Variants in EML1 observed in about 807,000 individuals in gnomAD.
EML1 encodes the protein echinoderm microtubule-associated protein-like 1.
A neutral mutation model predicts 110.4 loss-of-function variants in EML1; 27 were observed. That is an observed-to-expected ratio of 0.24 (90% confidence interval 0.18 to 0.34). The LOEUF (loss-of-function observed/expected upper bound fraction) is 0.34. EML1 is among the 10% of genes least tolerant of loss of function. The pLI is 1.00. For synonymous variants in EML1, 344 were observed against 385.8 expected, an observed-to-expected ratio of 0.89 and a Z score of 1.27; for missense variants, 741 against 1,030.9, an observed-to-expected ratio of 0.72 and a Z score of 3.85.
At chr14:99,841,083 G>A (rs1196993575) in intron 1 of EML1, among the ~76,000 whole-genome samples, 1 of 152,158 alleles carries the variant, frequency 6.6e-6, no homozygotes, top group Non-Finnish European at 1.5e-5. Context: ...GGAGCTGGAG[G>A]CTATGAGAGG....
chr14:99,761,797 C>T (rs954204510), intron 1 of EML1, among the ~76,000 whole-genome samples: 5 of 151,874 alleles, frequency 3.3e-5, no homozygotes, highest in South Asian at 2.1e-4. Context: ...TGGTGGCAGG[C>T]GCCTGTAATC....
upstream of EML1, among the ~76,000 whole-genome samples, chr14:99,768,859 A>G (rs2057393885): frequency 6.6e-6 from 1 of 151,946 alleles, no homozygotes; most frequent in South Asian, 2.1e-4. Flanking sequence ...CTGGGATTAC[A>G]GGCACCCGCC....
intron 3 of EML1, among the ~76,000 whole-genome samples, chr14:99,877,152 G>A (rs904170328): frequency 2.6e-5 from 4 of 152,102 alleles, no homozygotes. Flanking sequence ...TTCTGATGAG[G>A]GCTGTCTTCC....
At chr14:99,764,890 A>T (rs1022147170) in intron 1 of EML1, among the ~76,000 whole-genome samples, 11 of 152,152 alleles carry the variant, frequency 7.2e-5, no homozygotes, top group African/African-American at 2.4e-4. Flanking sequence ...ATAGCAAAAT[A>T]TATAACAAAA....
chr14:99,906,657 A>T (rs1447714930), intron 9 of EML1, among the ~76,000 whole-genome samples: 2 of 152,124 alleles, frequency 1.3e-5, no homozygotes, highest in African/African-American at 4.8e-5. Context: ...ATGCCTAACC[A>T]TCTGGGAATG....
chr14:99,779,416 C>G (rs1011763748), intron 1 of EML1, among the ~76,000 whole-genome samples: 4 of 152,198 alleles, frequency 2.6e-5, no homozygotes, highest in African/African-American at 9.7e-5. Flanking sequence ...TTATTTCCTT[C>G]TGCTGTCTGT....
intron 1 of EML1, among the ~76,000 whole-genome samples, chr14:99,764,960 C>T (rs561463733): frequency 2.2e-4 from 33 of 152,074 alleles, no homozygotes; most frequent in South Asian, 2.1e-3. Flanking sequence ...TTTTTAGAGA[C>T]AGGGTCTTAC....
upstream of EML1, among the ~76,000 whole-genome samples, chr14:99,771,435 C>A (rs1394286127): frequency 6.6e-6 from 1 of 152,228 alleles, no homozygotes; most frequent in Non-Finnish European, 1.5e-5. Context: ...AGTAACAGTT[C>A]ATCGCGTGGA....
upstream of EML1, among the ~76,000 whole-genome samples, chr14:99,770,516 C>T (rs1341947637): frequency 1.3e-5 from 2 of 152,018 alleles, no homozygotes; most frequent in Admixed American, 6.6e-5. Flanking sequence ...AGGCTCACCT[C>T]GAAATTCCAC....
At chr14:99,799,442 C>T (rs771331926) in intron 1 of EML1, among the ~76,000 whole-genome samples, 8 of 152,308 alleles carry the variant, frequency 5.3e-5, no homozygotes, top group South Asian at 4.1e-4. Flanking sequence ...CCAAACTCAA[C>T]GCTCCGAAGT....
chr14:99,894,716 C>G lies in EML1; in HGVS notation c.635C>G (p.Ala212Gly). 3.7e-6 allele frequency: 6 copies of G among 1,613,402 alleles called. No individual in the cohort carries two copies. In the South Asian group the frequency reaches 5.5e-5, roughly 15 times the overall value. ...KDQVDSYSLE[A>G]KVELPTKRLK... ...CAAGTGGATTCTTACAGCTTGGAAG[C>G]AAAAGTAGAACTTCCAACCAAGAGA... Residue 212 changes from alanine to glycine, a missense_variant, in exon 6 of 22, where the codon GCA (alanine) becomes GGA (glycine). Transcript: ENST00000262233.
At chr14:99,793,866 CG>C (rs2057718944) in intron 1 of EML1, among the ~76,000 whole-genome samples, 2 of 151,348 alleles carry the variant, frequency 1.3e-5, no homozygotes, top group East Asian at 3.9e-4. Flanking sequence ...CGGGGAGGCC[CG>C]GGCAGCCTCC....
chr14:99,765,533 C>T (rs946443182), intron 1 of EML1, among the ~76,000 whole-genome samples: 2 of 152,046 alleles, frequency 1.3e-5, no homozygotes, highest in Admixed American at 6.5e-5. Context: ...AAGGTTCCTC[C>T]GTGTTGTAAC....
chr14:99,750,796 C>T (rs112337051), intron 1 of EML1, among the ~76,000 whole-genome samples: 5,691 of 152,124 alleles, frequency 0.037, 323 homozygotes, highest in African/African-American at 0.12. Flanking sequence ...ACCTCCACCA[C>T]CCCGAGTCTA....
intron 3 of EML1, among the ~76,000 whole-genome samples, chr14:99,876,955 G>T (rs752998334): frequency 6.6e-6 from 1 of 152,208 alleles, no homozygotes; most frequent in African/African-American, 2.4e-5. Flanking sequence ...CAAGAAATGC[G>T]TGGACTAATG....
At chr14:99,878,649 T>C (rs1405698450) in intron 4 of EML1, 30 bp downstream of exon 4, 1 of 1,601,622 alleles carries the variant, frequency 6.2e-7, no homozygotes, top group Non-Finnish European at 8.5e-7. Context: ...CAGTTCCTGC[T>C]GTTCAGATAT....
chr14:99,749,678 T>G (rs549488059), intron 1 of EML1, among the ~76,000 whole-genome samples: 2 of 152,162 alleles, frequency 1.3e-5, no homozygotes, highest in South Asian at 2.1e-4. Flanking sequence ...CCCAAACCCA[T>G]GTAGACAGGG....
chr14:99,853,472 GGCACTTGGGAACTGGTGCC>G (rs1483379015), intron 2 of EML1, among the ~76,000 whole-genome samples: 1 of 152,066 alleles, frequency 6.6e-6, no homozygotes, highest in Non-Finnish European at 1.5e-5. Flanking sequence ...CTGCCACGTG[GGCACTTGGGAACTGGTGCC>G]CACACCTCTG....
At chr14:99,778,517 T>TTAC (rs2057506734) in intron 1 of EML1, among the ~76,000 whole-genome samples, 1 of 152,212 alleles carries the variant, frequency 6.6e-6, no homozygotes, top group Non-Finnish European at 1.5e-5. Context: ...GTTAGCATGA[T>TTAC]TGTTACTGTC....
Sources: gnomAD v4.1 joint callset for allele counts (sites outside exome capture counted in the v4.1 genomes callset) on GRCh38, gnomAD v4.1.1 for gene constraint, MANE v1.5 for transcripts, NCBI Gene and HGNC (gene_info 2026-07-23, HGNC 2026-07-21) for gene names.